Variants in TLN2 observed in about 807,000 individuals in gnomAD.
TLN2 encodes the protein talin 2.
Under a neutral mutation model 294.7 loss-of-function variants are expected in TLN2, and 118 were observed. That is an observed-to-expected ratio of 0.40 (90% CI 0.34 to 0.47). The LOEUF (loss-of-function observed/expected upper bound fraction) is 0.47. Among genes scored for constraint, TLN2 ranks in the 20% least tolerant of loss-of-function variants. TLN2 has a pLI of 0.84. For synonymous variants in TLN2, 1,431 were observed against 1,304.5 expected (o/e 1.10, Z -2.09); for missense variants, 3,083 against 3,282.2 (o/e 0.94, Z 1.48).
intron 1 of TLN2, among the ~76,000 whole-genome samples, chr15:62,516,485 C>A (rs990406258): frequency 6.6e-6 from 1 of 152,190 alleles, no homozygotes; most frequent in Non-Finnish European, 1.5e-5. Context: ...ACAAATAAGA[C>A]AAAATGTGTC....
Position 62,841,235 on chromosome 15 carries a change from G to C in TLN2, c.*625G>C, listed in dbSNP as rs79165205. 0.039 allele frequency: 5,920 copies of C among 152,766 alleles called. 184 individuals carry two copies. The highest frequency in any genetic ancestry group is 0.088 in the African/African-American group (3,647 of 41,526). The allele number at this position is 152,766 out of a possible 1,614,324, so 9.5% of individuals were successfully genotyped here. On this transcript the variant is annotated 3_prime_UTR_variant, in exon 59 of 59. Transcript: ENST00000636159. ...ACAACCCAGACCCATCTTGTATTTT[G>C]TGGCCCAGAAAACTGAACGATTATT...
intron 1 of TLN2, among the ~76,000 whole-genome samples, chr15:62,506,159 C>G (rs1457730202): frequency 6.6e-6 from 1 of 152,154 alleles, no homozygotes; most frequent in Non-Finnish European, 1.5e-5. Context: ...CAGCACAAAT[C>G]TAGGAAACTG....
At chr15:62,673,991 G>A (rs575215155) in intron 10 of TLN2, 101 bp downstream of exon 10, 3 of 789,760 alleles carry the variant, frequency 3.8e-6, no homozygotes, top group East Asian at 2.6e-5. Context: ...CCTCGTGCCT[G>A]TACTCTGATA....
rs1277649376 is a variant in TLN2 at position 62,673,812 on chromosome 15, A to T, written c.789-15A>T. On this transcript the variant is annotated splice_polypyrimidine_tract_variant and intron_variant, in intron 9 of 58. Transcript: ENST00000636159. The stretch of plus-strand genomic sequence containing the variant: ...CATGATAAATGCCTTTCCTTTTTAA[A>T]TGTCTCTCTCTTAGTCTGAAGGAAT... The T allele has an allele frequency of 1.2e-6, 2 of 1,605,990 alleles. No individual in the cohort carries two copies. Among genetic ancestry groups the T allele is most frequent in the African/African-American group, 2.7e-5 (2 of 74,556 alleles).
At chr15:62,566,310 G>A (rs1412096189) in intron 1 of TLN2, among the ~76,000 whole-genome samples, 1 of 152,094 alleles carries the variant, frequency 6.6e-6, no homozygotes, top group African/African-American at 2.4e-5. Context: ...CATTTTTGGT[G>A]TGCCAGAGAC....
chr15:62,581,106 A>G (rs11631593), intron 1 of TLN2, among the ~76,000 whole-genome samples: 92,550 of 151,824 alleles, frequency 0.61, 29,185 homozygotes, highest in East Asian at 0.88. Flanking sequence ...ATGGTCTCCT[A>G]ACACCTCAAG....
At chr15:62,615,098 G>A (rs1021123339) in intron 2 of TLN2, among the ~76,000 whole-genome samples, 1 of 152,162 alleles carries the variant, frequency 6.6e-6, no homozygotes, top group Non-Finnish European at 1.5e-5. Flanking sequence ...GAGCCACCAC[G>A]CCTGGCCTAG....
chr15:62,590,241 A>G (rs1375188331), intron 2 of TLN2, among the ~76,000 whole-genome samples: 1 of 151,990 alleles, frequency 6.6e-6, no homozygotes, highest in Non-Finnish European at 1.5e-5. Context: ...CATTGTACAG[A>G]TTATTTCATC....
At chr15:62,587,056 G>T (rs556396797) in intron 1 of TLN2, among the ~76,000 whole-genome samples, 2 of 152,324 alleles carry the variant, frequency 1.3e-5, no homozygotes, top group East Asian at 3.9e-4. Context: ...AAGTGAAAAG[G>T]GAGACTTATA....
chr15:62,769,167 A>G (rs771892584), intron 41 of TLN2, among the ~76,000 whole-genome samples: 1 of 152,256 alleles, frequency 6.6e-6, no homozygotes, highest in East Asian at 1.9e-4. Context: ...ATTAACCTAG[A>G]AAACATATAA....
chr15:62,495,872 C>T (rs1303083703), intron 1 of TLN2, among the ~76,000 whole-genome samples: 1 of 151,410 alleles, frequency 6.6e-6, no homozygotes, highest in Non-Finnish European at 1.5e-5. Flanking sequence ...GGGAGGTTGG[C>T]TAATTGCATG....
chr15:62,745,151 A>G (rs2061545360), intron 32 of TLN2, among the ~76,000 whole-genome samples: 1 of 152,194 alleles, frequency 6.6e-6, no homozygotes, highest in Non-Finnish European at 1.5e-5. Flanking sequence ...ACACTAAATA[A>G]TGTTTTACCT....
At chr15:62,495,342 C>T (rs1298384950) in intron 1 of TLN2, among the ~76,000 whole-genome samples, 1 of 152,182 alleles carries the variant, frequency 6.6e-6, no homozygotes, top group Non-Finnish European at 1.5e-5. Context: ...AGCCTAGGAT[C>T]TTTCTCCCCA....
intron 43 of TLN2, among the ~76,000 whole-genome samples, chr15:62,780,275 G>C (rs1290722468): frequency 6.6e-6 from 1 of 152,180 alleles, no homozygotes; most frequent in Non-Finnish European, 1.5e-5. Flanking sequence ...AAGATGGGTT[G>C]CCTGTTTCTT....
intron 21 of TLN2, among the ~76,000 whole-genome samples, chr15:62,710,720 C>CTT (rs71287048): frequency 0.031 from 2,408 of 76,996 alleles, 145 homozygotes; most frequent in East Asian, 0.049. Context: ...TGCTGATGTC[C>CTT]TTTTTTTTTT....
intron 3 of TLN2, chr15:62,637,294 G>C (rs1354452775): frequency 6.6e-6 from 1 of 152,054 alleles, no homozygotes; most frequent in Non-Finnish European, 1.5e-5. Flanking sequence ...ATAAGTTAAT[G>C]TATAAAAGAA....
intron 45 of TLN2, 165 bp downstream of exon 45, chr15:62,784,055 C>A: frequency 8.1e-7 from 1 of 1,236,896 alleles, no homozygotes; most frequent in Non-Finnish European, 1.1e-6. Context: ...CAGGTAGCCC[C>A]AGGCTGTACT....
In TLN2 at chr15:62,527,867, A is replaced by G. The variant is rs2040824010; in HGVS notation, c.-237-61820A>G. ...GAATAAAGTAGTTACTCTGAATCCT[A>G]TAGCCACTAACCATTATGATAGATT... On this transcript the variant is annotated intron_variant, in intron 1 of 58. Transcript: ENST00000636159. Among the ~76,000 whole-genome samples the G allele has an allele frequency of 2.6e-5, 4 of 152,354 alleles. No homozygotes were observed. The South Asian group carries it at 6.2e-4, about 24-fold the overall frequency.
At chr15:62,689,772 G>A (rs1045509293) in intron 12 of TLN2, among the ~76,000 whole-genome samples, 1 of 140,276 alleles carries the variant, frequency 7.1e-6, no homozygotes, top group African/African-American at 2.6e-5. Context: ...CAATTTGTAG[G>A]TAATATGTCA....
Sources: allele counts gnomAD v4.1 joint callset (sites outside exome capture counted in the v4.1 genomes callset), GRCh38; gene constraint gnomAD v4.1.1; transcripts MANE v1.5; gene names NCBI Gene and HGNC (gene_info 2026-07-23, HGNC 2026-07-21).